The following CHD6 variants were observed in gnomAD, a reference collection of about 807,000 sequenced individuals.
The protein encoded by CHD6 is chromodomain helicase DNA binding protein 6, also known as ATP-dependent chromatin remodeler CHD6.
CHD6 carries 50 observed loss-of-function variants against 276.9 expected under a neutral mutation model. The ratio of observed to expected loss-of-function variants is 0.18; its 90% CI spans 0.14 to 0.23. The LOEUF (loss-of-function observed/expected upper bound fraction) is 0.23, where lower values mean the gene tolerates loss of function less well. CHD6 is among the 10% of genes least tolerant of loss of function. The pLI is 1.00. For synonymous variants in CHD6, 1,173 were observed against 1,229.3 expected, an observed-to-expected ratio of 0.95 and a Z score of 0.96; for missense variants, 2,564 against 3,365.8, an observed-to-expected ratio of 0.76 and a Z score of 5.89.
At chr20:41,524,757 G>C (rs1349807150) in intron 3 of CHD6, among the ~76,000 whole-genome samples, 1 of 152,076 alleles carries the variant, frequency 6.6e-6, no homozygotes, top group Non-Finnish European at 1.5e-5. Flanking sequence ...TCCCTACTCA[G>C]TATTTTCGTT....
chr20:41,534,579 G>T (rs779969639), intron 2 of CHD6, among the ~76,000 whole-genome samples: 1 of 151,744 alleles, frequency 6.6e-6, no homozygotes, highest in African/African-American at 2.4e-5. Context: ...AAGATTTTTG[G>T]GGGGGCGGGG....
chr20:41,457,945 G>C (rs1454499392), intron 17 of CHD6, among the ~76,000 whole-genome samples: 1 of 152,088 alleles, frequency 6.6e-6, no homozygotes, highest in African/African-American at 2.4e-5. Flanking sequence ...GCATCATACT[G>C]TTTCATTCTT....
At chr20:41,580,103 G>A (rs1162626545) in intron 1 of CHD6, among the ~76,000 whole-genome samples, 4 of 152,056 alleles carry the variant, frequency 2.6e-5, no homozygotes, top group Non-Finnish European at 5.9e-5. Context: ...CAAAACTTAA[G>A]AAAACAGCAG....
At position 41,520,810 on chromosome 20, in the gene CHD6, T is replaced by TA. The variant is rs1346783459; in HGVS notation, c.555-5859dup. Among the ~76,000 whole-genome samples the TA allele has an allele frequency of 5.9e-5, 9 of 152,048 alleles. No individual in the cohort carries two copies. In the Middle Eastern group the frequency reaches 0.014, roughly 230 times the overall value. On this transcript the variant is annotated intron_variant, in intron 3 of 36. Transcript: ENST00000373233. ...TGTTCTGCACACGTACCCTAAAACTTAAAGTATAATAATAATTAAAAAAAA... is the reference window on the plus strand; with the variant it reads ...TGTTCTGCACACGTACCCTAAAACTTAAAAGTATAATAATAATTAAAAAAAA...
chr20:41,511,067 T>C (rs539688307), intron 5 of CHD6, among the ~76,000 whole-genome samples: 5 of 152,324 alleles, frequency 3.3e-5, no homozygotes, highest in Middle Eastern at 3.4e-3. Context: ...AGTTTCTTCA[T>C]TGTTAAAATA....
chr20:41,416,658 C>T lies in CHD6; in HGVS notation c.6416G>A (p.Ser2139Asn), dbSNP rs1414941997. 1 of 1,614,102 alleles carries T rather than the reference C, an allele frequency of 6.2e-7. No individual in the cohort carries two copies. The highest frequency in any genetic ancestry group is 8.5e-7 in the Non-Finnish European group (1 of 1,179,988). ...VLTSSAGSRT[S>N]LSEPEAAEHS... The stretch of plus-strand genomic sequence containing the variant: ...TTCTGCTGCTTCCGGCTCTGAGAGG[C>T]TGGTTCGAGAACCAGCACTGCTGGT... Residue 2139 changes from serine (S) to asparagine (N), a missense_variant, in exon 33 of 37, where the codon AGC becomes AAC. Ser to Asn is a conservative substitution (Grantham distance 46). Around this residue, in one of 7 missense-constraint regions of CHD6, gnomAD observed 1,024 missense variants for 1,047.9 expected, o/e 0.98. Coordinates refer to ENST00000373233, the MANE Select transcript of CHD6 (RefSeq NM_032221.5).
At chr20:41,419,554 CAAAAAAAAAAAAAAAAAA>C (rs58696183) in intron 31 of CHD6, among the ~76,000 whole-genome samples, 30 of 23,468 alleles carry the variant, frequency 1.3e-3, no homozygotes, top group African/African-American at 2.2e-3. Context: ...GACTCTGTCT[CAAAAAAAAAAAAAAAAAA>C]AAAAAAAAAA....
chr20:41,513,382 G>A (rs988485868), intron 4 of CHD6, among the ~76,000 whole-genome samples: 2 of 152,290 alleles, frequency 1.3e-5, no homozygotes, highest in African/African-American at 4.8e-5. Context: ...CTTGGTGGAA[G>A]CACAGATTTT....
At chr20:41,447,774 T>A in intron 24 of CHD6, 108 bp downstream of exon 24, 2 of 674,662 alleles carry the variant, frequency 3.0e-6, no homozygotes, top group South Asian at 2.0e-5. Flanking sequence ...GGGCAGGGGG[T>A]AGGAGGAACA....
intron 5 of CHD6, among the ~76,000 whole-genome samples, chr20:41,509,124 C>T (rs923072213): frequency 7.2e-5 from 11 of 152,172 alleles, no homozygotes; most frequent in African/African-American, 2.6e-4. Context: ...GAGTGATCAT[C>T]AAAACAGTAT....
chr20:41,578,456 G>C (rs1284094052), intron 1 of CHD6, among the ~76,000 whole-genome samples: 1 of 152,086 alleles, frequency 6.6e-6, no homozygotes, highest in Non-Finnish European at 1.5e-5. Flanking sequence ...ATGAAAGTTT[G>C]CTCTTCTTAC....
intron 7 of CHD6, 101 bp downstream of exon 7, chr20:41,498,067 G>A: frequency 1.2e-6 from 1 of 825,960 alleles, no homozygotes; most frequent in Non-Finnish European, 2.0e-6. Context: ...TCATGCCTTA[G>A]AGGCAAGACT....
chr20:41,606,583 G>A (rs1011325858), intron 1 of CHD6, among the ~76,000 whole-genome samples: 6 of 151,856 alleles, frequency 4.0e-5, no homozygotes, highest in Non-Finnish European at 7.4e-5. Flanking sequence ...GCTGAGGCAG[G>A]AGAATCACTT....
At chr20:41,508,197 A>G (rs2044024294) in intron 5 of CHD6, among the ~76,000 whole-genome samples, 1 of 152,172 alleles carries the variant, frequency 6.6e-6, no homozygotes, top group Non-Finnish European at 1.5e-5. Flanking sequence ...ATGAGAGATG[A>G]AAGAACAATC....
chr20:41,423,574 C>T lies in CHD6; in HGVS notation c.4473G>A (p.Ser1491=), dbSNP rs770158152. The T allele has an allele frequency of 1.8e-5, 29 of 1,614,096 alleles. No individual in the cohort carries two copies. In the African/African-American group the frequency reaches 2.1e-4, roughly 12 times the overall value. ...AAAAATACTGTTCCAGGCTCTCATC[C>T]GACTTCTTGTCCAAACGGGAAATGA... The part of the protein sequence containing the change: ...FRIISRLDKK[S]DESLEQYFYS... The change falls in exon 30 of 37, where the codon TCG becomes TCA. Residue 1491 remains serine, a synonymous_variant. Transcript: ENST00000373233.
intron 5 of CHD6, among the ~76,000 whole-genome samples, chr20:41,508,937 A>G (rs941628689): frequency 3.3e-5 from 5 of 152,212 alleles, no homozygotes; most frequent in African/African-American, 1.2e-4. Context: ...TGAGTTTTAA[A>G]CATATTTATT....
At chr20:41,407,178 C>T (rs74336471) in intron 36 of CHD6, among the ~76,000 whole-genome samples, 1,826 of 152,262 alleles carry the variant, frequency 0.012, 19 homozygotes, top group South Asian at 0.034. Flanking sequence ...GCTGCACCTG[C>T]GGCCTTTTCA....
At position 41,478,222 on chromosome 20, in the gene CHD6, GC is replaced by G. The variant is rs373922879; in HGVS notation, c.2469-4706del. Among the ~76,000 whole-genome samples the G allele has an allele frequency of 3.9e-5, 6 of 151,992 alleles. No individual in the cohort carries two copies. In the East Asian group the frequency reaches 5.8e-4, roughly 15 times the overall value. ...CAGAGCTTCTGGTTGGCTCCACAGT[GC>G]CCCCCCATCTGATGGCCTAAGATAT... On this transcript the variant is annotated intron_variant, in intron 16 of 36. Coordinates refer to ENST00000373233, the MANE Select transcript of CHD6 (RefSeq NM_032221.5).
chr20:41,513,224 A>T (rs1382769325), intron 4 of CHD6, among the ~76,000 whole-genome samples: 1 of 152,186 alleles, frequency 6.6e-6, no homozygotes, highest in East Asian at 1.9e-4. Context: ...GCCATGATCC[A>T]CTAAAAAGAA....
Sources: gnomAD v4.1 joint callset for allele counts (sites outside exome capture counted in the v4.1 genomes callset) on GRCh38, gnomAD v4.1.1 for gene constraint, gnomAD v4.1.1 regional missense constraint, MANE v1.5 for transcripts, NCBI Gene and HGNC (gene_info 2026-07-23, HGNC 2026-07-21) for gene names.